Variants in CNTN5 observed in about 807,000 individuals in gnomAD.
The protein encoded by CNTN5 is contactin-5.
A neutral mutation model predicts 129.1 loss-of-function variants in CNTN5; 77 were observed. The observed-to-expected ratio is 0.60, with a 90% CI of 0.50 to 0.72. The LOEUF (loss-of-function observed/expected upper bound fraction) is 0.72. CNTN5 is among the 30% of genes least tolerant of loss of function. The pLI, the probability that CNTN5 is intolerant of heterozygous loss-of-function variation, is 0.00. For synonymous variants in CNTN5, 509 were observed against 465.6 expected (o/e 1.09, Z -1.20); for missense variants, 1,478 against 1,328.8 (o/e 1.11, Z -1.75).
intron 2 of CNTN5, among the ~76,000 whole-genome samples, chr11:99,344,030 C>T (rs990399075): frequency 8.5e-5 from 13 of 152,170 alleles, no homozygotes; most frequent in Middle Eastern, 3.4e-3. Context: ...AGAGATAATA[C>T]CTGATAAATT....
At chr11:99,840,187 A>G (rs1181791757) in intron 4 of CNTN5, among the ~76,000 whole-genome samples, 1 of 152,140 alleles carries the variant, frequency 6.6e-6, no homozygotes, top group Non-Finnish European at 1.5e-5. Flanking sequence ...AATACACGCA[A>G]AATCATTAGT....
intron 15 of CNTN5, among the ~76,000 whole-genome samples, chr11:100,213,502 T>C (rs1269696755): frequency 6.6e-6 from 1 of 152,180 alleles, no homozygotes; most frequent in African/African-American, 2.4e-5. Flanking sequence ...ATTCAATAAA[T>C]GGTGAATCCT....
At chr11:99,580,829 C>T (rs1229755320) in intron 3 of CNTN5, among the ~76,000 whole-genome samples, 2 of 121,786 alleles carry the variant, frequency 1.6e-5, no homozygotes, top group Non-Finnish European at 3.4e-5. Flanking sequence ...GTCTTTATTT[C>T]CTTCAGTTCT....
chr11:100,348,121 T>C (rs948481182), intron 23 of CNTN5, among the ~76,000 whole-genome samples: 1 of 152,024 alleles, frequency 6.6e-6, no homozygotes, highest in Non-Finnish European at 1.5e-5. Context: ...TGCATAAACA[T>C]AGCTGTCATT....
At chr11:100,065,103 C>G (rs1241744564) in intron 10 of CNTN5, among the ~76,000 whole-genome samples, 1 of 151,980 alleles carries the variant, frequency 6.6e-6, no homozygotes, top group Non-Finnish European at 1.5e-5. Context: ...ATTCCTTTAT[C>G]CAGAACGCTT....
At chr11:99,808,529 G>A (rs2135508387) in intron 3 of CNTN5, among the ~76,000 whole-genome samples, 1 of 152,226 alleles carries the variant, frequency 6.6e-6, no homozygotes, top group South Asian at 2.1e-4. Flanking sequence ...TCCTGCATGT[G>A]CCTCAGTAAC....
At chr11:100,005,667 A>G (rs1038495398) in intron 9 of CNTN5, among the ~76,000 whole-genome samples, 1 of 152,108 alleles carries the variant, frequency 6.6e-6, no homozygotes, top group Non-Finnish European at 1.5e-5. Flanking sequence ...AACTTTCTTG[A>G]TCTACTGCCT....
At chr11:99,718,751 A>T (rs1943069478) in intron 3 of CNTN5, among the ~76,000 whole-genome samples, 1 of 152,146 alleles carries the variant, frequency 6.6e-6, no homozygotes, top group Non-Finnish European at 1.5e-5. Flanking sequence ...TGTACCAAAC[A>T]CTTTGCTAAG....
chr11:100,181,306 C>T (rs970724734), intron 13 of CNTN5, among the ~76,000 whole-genome samples: 3 of 151,722 alleles, frequency 2.0e-5, no homozygotes, highest in African/African-American at 7.3e-5. Context: ...AAAACCAATC[C>T]CCAAAAGTTA....
At chr11:99,769,414 A>G (rs1370183327) in intron 3 of CNTN5, among the ~76,000 whole-genome samples, 1 of 152,126 alleles carries the variant, frequency 6.6e-6, no homozygotes, top group Non-Finnish European at 1.5e-5. Flanking sequence ...TTTCTTATTC[A>G]TAAATTCTTA....
At chr11:100,200,687 G>T (rs953856010) in intron 15 of CNTN5, among the ~76,000 whole-genome samples, 1 of 151,816 alleles carries the variant, frequency 6.6e-6, no homozygotes, top group African/African-American at 2.4e-5. Flanking sequence ...TCTCTGAGGG[G>T]ATAAGAGTAC....
intron 3 of CNTN5, among the ~76,000 whole-genome samples, chr11:99,700,855 A>T (rs1290716130): frequency 2.0e-5 from 3 of 151,224 alleles, no homozygotes; most frequent in Non-Finnish European, 3.0e-5. Flanking sequence ...AGGCTTCAAT[A>T]AGATTTGCTG....
At chr11:99,434,088 A>G (rs990870888) in intron 2 of CNTN5, among the ~76,000 whole-genome samples, 14 of 152,160 alleles carry the variant, frequency 9.2e-5, no homozygotes, top group African/African-American at 3.1e-4. Flanking sequence ...CCAGGCCCCA[A>G]TATAATCTTC....
At chr11:99,139,810 T>A (rs943574743) in intron 1 of CNTN5, among the ~76,000 whole-genome samples, 1 of 152,184 alleles carries the variant, frequency 6.6e-6, no homozygotes, top group Non-Finnish European at 1.5e-5. Flanking sequence ...AAATTGATTT[T>A]AAAAACTTTC....
chr11:100,008,103 C>T (rs192463624), intron 9 of CNTN5, among the ~76,000 whole-genome samples: 1 of 152,002 alleles, frequency 6.6e-6, no homozygotes, highest in Non-Finnish European at 1.5e-5. Context: ...GGGCATAGTT[C>T]ATGGAGCTTC....
chr11:100,208,305 G>T (rs112050650), intron 15 of CNTN5, among the ~76,000 whole-genome samples: 2 of 152,162 alleles, frequency 1.3e-5, no homozygotes, highest in African/African-American at 4.8e-5. Flanking sequence ...GTACATCTAT[G>T]GGTCTCACCA....
At chr11:100,326,996 G>A (rs1349182524) in intron 21 of CNTN5, among the ~76,000 whole-genome samples, 1 of 152,220 alleles carries the variant, frequency 6.6e-6, no homozygotes, top group Non-Finnish European at 1.5e-5. Context: ...ACTATATCAG[G>A]TAGAGCCTTG....
intron 2 of CNTN5, among the ~76,000 whole-genome samples, chr11:99,413,999 A>C (rs1004019390): frequency 6.6e-6 from 1 of 152,228 alleles, no homozygotes; most frequent in Non-Finnish European, 1.5e-5. Context: ...AACAAATTTA[A>C]TACAGATAAC....
chr11:99,392,380 G>C (rs1429084980), intron 2 of CNTN5, among the ~76,000 whole-genome samples: 2 of 151,692 alleles, frequency 1.3e-5, no homozygotes, highest in South Asian at 4.1e-4. Flanking sequence ...GTTGATAAAA[G>C]TGCCACCCCT....
Sources: gnomAD v4.1 joint callset for allele counts (sites outside exome capture counted in the v4.1 genomes callset) on GRCh38, gnomAD v4.1.1 for gene constraint, MANE v1.5 for transcripts, NCBI Gene and HGNC (gene_info 2026-07-23, HGNC 2026-07-21) for gene names.